CDH13: variants seen among roughly 807,000 people sequenced by gnomAD.
The protein encoded by CDH13 is cadherin-13.
Under a neutral mutation model 63.8 loss-of-function variants are expected in CDH13, and 24 were observed. That is an observed-to-expected ratio of 0.38 (90% CI 0.27 to 0.53). CDH13 has a LOEUF of 0.53. CDH13 is among the 20% of genes least tolerant of loss of function. CDH13 has a pLI of 0.85. For missense variants in CDH13, 1,049 were observed against 903.1 expected (o/e 1.16, Z -2.07); for synonymous variants, 503 against 355.3 (o/e 1.42, Z -4.67).
intron 4 of CDH13, among the ~76,000 whole-genome samples, chr16:83,167,235 G>A (rs910667548): frequency 2.0e-5 from 3 of 150,846 alleles, no homozygotes; most frequent in South Asian, 2.1e-4. Flanking sequence ...AGTGGCTCAC[G>A]CCTGTAATCC....
chr16:83,071,059 G>T (rs935980329), intron 3 of CDH13, among the ~76,000 whole-genome samples: 3 of 151,980 alleles, frequency 2.0e-5, no homozygotes, highest in Admixed American at 1.3e-4. Flanking sequence ...ACAACTGAAG[G>T]CTCTCCTAGG....
intron 7 of CDH13, among the ~76,000 whole-genome samples, chr16:83,582,437 A>G (rs1460690741): frequency 1.3e-5 from 2 of 152,172 alleles, no homozygotes; most frequent in Non-Finnish European, 2.9e-5. Flanking sequence ...TGTGCCTTTC[A>G]AAATTTAAGG....
chr16:82,840,716 A>C (rs753521291), intron 1 of CDH13, among the ~76,000 whole-genome samples: 5 of 151,064 alleles, frequency 3.3e-5, no homozygotes, highest in African/African-American at 1.2e-4. Flanking sequence ...AAAAACTTGC[A>C]TAATGGAGCA....
At chr16:82,999,403 T>C (rs1912614438) in intron 2 of CDH13, among the ~76,000 whole-genome samples, 1 of 152,176 alleles carries the variant, frequency 6.6e-6, no homozygotes, top group East Asian at 1.9e-4. Context: ...TCTTACCCCT[T>C]CAGTTCTCTT....
chr16:83,792,212 G>A (rs1243885032), intron 13 of CDH13, among the ~76,000 whole-genome samples: 1 of 152,246 alleles, frequency 6.6e-6, no homozygotes, highest in African/African-American at 2.4e-5. Flanking sequence ...CAGAGGAGCT[G>A]TGGCCCCTTA....
At chr16:83,524,644 G>A (rs1399684411) in intron 7 of CDH13, among the ~76,000 whole-genome samples, 2 of 151,794 alleles carry the variant, frequency 1.3e-5, no homozygotes, top group Admixed American at 1.3e-4. Context: ...AGTAGAGATG[G>A]GGTTTCACCA....
intron 2 of CDH13, among the ~76,000 whole-genome samples, chr16:82,982,573 A>AT (rs1910418679): frequency 1.3e-5 from 2 of 152,204 alleles, no homozygotes; most frequent in South Asian, 4.2e-4. Flanking sequence ...TATGTGGAAG[A>AT]TTTTTTCTGA....
intron 4 of CDH13, among the ~76,000 whole-genome samples, chr16:83,180,708 G>A (rs749624159): frequency 6.6e-6 from 1 of 152,288 alleles, no homozygotes. Context: ...GTAATTATTA[G>A]ACTATGCATG....
rs114693895 is a variant in CDH13 at position 83,433,977 on chromosome 16, C to T, written c.782-52500C>T. ...TCAATCTTTTCTATTACTTATTTTT[C>T]TTTCCTTTCTAGCAAGGTTAATATG... On this transcript the variant is annotated intron_variant, in intron 6 of 13. Coordinates refer to ENST00000567109, the MANE Select transcript of CDH13 (RefSeq NM_001257.5). Among the ~76,000 whole-genome samples, 3 of 152,044 alleles carry T rather than the reference C, an allele frequency of 2.0e-5. No homozygotes were observed. In the South Asian group the frequency reaches 6.2e-4, roughly 32 times the overall value.
At chr16:82,876,160 A>G (rs962699264) in intron 2 of CDH13, among the ~76,000 whole-genome samples, 3 of 152,208 alleles carry the variant, frequency 2.0e-5, no homozygotes, top group Non-Finnish European at 2.9e-5. Flanking sequence ...GGGAGTTACA[A>G]TTCAAGATGA....
chr16:83,100,386 G>A (rs975333549), intron 3 of CDH13, among the ~76,000 whole-genome samples: 1 of 152,166 alleles, frequency 6.6e-6, no homozygotes, highest in Admixed American at 6.5e-5. Context: ...TGTGTGGGCA[G>A]GATTATCTCA....
chr16:83,207,824 G>A (rs1360116985), intron 4 of CDH13, among the ~76,000 whole-genome samples: 5 of 148,552 alleles, frequency 3.4e-5, no homozygotes, highest in Non-Finnish European at 5.9e-5. Flanking sequence ...CACACTCTCA[G>A]AAAATAATGC....
At chr16:83,601,419 TATGTG>T (rs768395194) in intron 7 of CDH13, among the ~76,000 whole-genome samples, 10 of 152,176 alleles carry the variant, frequency 6.6e-5, no homozygotes, top group Non-Finnish European at 1.3e-4. Context: ...GAAAAACACT[TATGTG>T]AAGAGAGAGA....
In CDH13 at chr16:83,291,619, A is replaced by T. The variant is rs142715312; in HGVS notation, c.637-53243A>T. Among the ~76,000 whole-genome samples, 857 of 152,282 alleles carry T rather than the reference A, an allele frequency of 5.6e-3. 3 individuals are homozygous for T. Among genetic ancestry groups the T allele is most frequent in the African/African-American group, 0.019 (788 of 41,560 alleles). Reference sequence around the variant, plus strand: ...TAGATTTATTTCCACAGAGACCAAGATAGTTTTCTTGGTGGCCGTCATAAC... The same window carrying T: ...TAGATTTATTTCCACAGAGACCAAGTTAGTTTTCTTGGTGGCCGTCATAAC... On this transcript the variant is annotated intron_variant, in intron 5 of 13. Coordinates refer to ENST00000567109, the MANE Select transcript of CDH13 (RefSeq NM_001257.5).
At chr16:82,842,094 A>ATATATATATATATATG (rs2039033836) in intron 1 of CDH13, among the ~76,000 whole-genome samples, 5 of 30,724 alleles carry the variant, frequency 1.6e-4, no homozygotes, top group African/African-American at 5.9e-4. Flanking sequence ...CATTCTACAT[A>ATATATATATATATATG]TATATATATA....
At chr16:83,557,688 A>C (rs1231113325) in intron 7 of CDH13, among the ~76,000 whole-genome samples, 1 of 152,132 alleles carries the variant, frequency 6.6e-6, no homozygotes, top group East Asian at 1.9e-4. Flanking sequence ...TCTCAGCAGG[A>C]GATAAGCAGC....
chr16:82,707,688 C>T (rs1008021982), intron 1 of CDH13, among the ~76,000 whole-genome samples: 1 of 152,164 alleles, frequency 6.6e-6, no homozygotes, highest in East Asian at 1.9e-4. Context: ...CCGTTGCCCT[C>T]TTTAAGCTTG....
intron 1 of CDH13, among the ~76,000 whole-genome samples, chr16:82,721,736 A>G (rs370505742): frequency 6.6e-6 from 1 of 152,322 alleles, no homozygotes; most frequent in Non-Finnish European, 1.5e-5. Flanking sequence ...ATTTTGTTCT[A>G]AATACAATCA....
intron 4 of CDH13, among the ~76,000 whole-genome samples, chr16:83,137,407 G>T (rs1031319418): frequency 6.6e-6 from 1 of 152,200 alleles, no homozygotes; most frequent in Admixed American, 6.5e-5. Flanking sequence ...GAGGAGAAAT[G>T]AGGTTAACCT....
Sources: gnomAD v4.1 joint callset for allele counts (sites outside exome capture counted in the v4.1 genomes callset) on GRCh38, gnomAD v4.1.1 for gene constraint, MANE v1.5 for transcripts, NCBI Gene and HGNC (gene_info 2026-07-23, HGNC 2026-07-21) for gene names.